HDHD2: variants seen among roughly 807,000 people sequenced by gnomAD.
The protein encoded by HDHD2 is haloacid dehalogenase-like hydrolase domain-containing protein 2.
A neutral mutation model predicts 24.8 loss-of-function variants in HDHD2; 26 were observed. The ratio of observed to expected loss-of-function variants is 1.05; its 90% CI spans 0.77 to 1.45. The LOEUF (loss-of-function observed/expected upper bound fraction) is 1.45. Among genes scored for constraint, HDHD2 ranks in the 40% most tolerant of loss-of-function variants. HDHD2 has a pLI of 0.00. For synonymous variants in HDHD2, 128 were observed against 114.9 expected, an observed-to-expected ratio of 1.11 and a Z score of -0.73; for missense variants, 299 against 313.4, an observed-to-expected ratio of 0.95 and a Z score of 0.35.
In HDHD2 at chr18:47,110,380, T is replaced by C. The variant is rs2063506102; in HGVS notation, c.677-1595A>G. 4 of 985,460 alleles carry C rather than the reference T, an allele frequency of 4.1e-6. No individual in the cohort carries two copies. The South Asian group carries it at 1.9e-4, about 46-fold the overall frequency. The allele number at this position is 985,460 out of a possible 1,614,324, so 61.0% of individuals were successfully genotyped here. A position where few individuals can be genotyped will look rare whatever the true frequency, so the allele number is the denominator to read the frequency against. On this transcript the variant is annotated intron_variant, in intron 6 of 6. Coordinates refer to ENST00000300605, the MANE Select transcript of HDHD2 (RefSeq NM_032124.5). ...GCATGGTCCCCGCAGCAAGCTCTACTGCCAGTTTTCTTCCCAAGCTTAAAT... is the reference window on the plus strand; with the variant it reads ...GCATGGTCCCCGCAGCAAGCTCTACCGCCAGTTTTCTTCCCAAGCTTAAAT...
At chr18:47,127,265 T>C (rs1380916362) in intron 4 of HDHD2, among the ~76,000 whole-genome samples, 1 of 152,192 alleles carries the variant, frequency 6.6e-6, no homozygotes, top group Non-Finnish European at 1.5e-5. Flanking sequence ...GGTTTTAGAA[T>C]AATATTTAGG....
chr18:47,146,866 G>C (rs1481592837), intron 1 of HDHD2, among the ~76,000 whole-genome samples: 1 of 152,168 alleles, frequency 6.6e-6, no homozygotes, highest in Non-Finnish European at 1.5e-5. Flanking sequence ...ACCCTCCAGA[G>C]GACAGGAAGC....
At chr18:47,133,130 C>G (rs1004011223) in intron 3 of HDHD2, among the ~76,000 whole-genome samples, 2 of 151,350 alleles carry the variant, frequency 1.3e-5, no homozygotes, top group African/African-American at 4.9e-5. Context: ...TATCTCCTAA[C>G]GCTATCCCTC....
At position 47,113,054 on chromosome 18, in the gene HDHD2, A is replaced by G. The variant is rs182837899; in HGVS notation, c.613-14T>C. 6.2e-7 allele frequency: 1 copy of G among 1,613,444 alleles called. No homozygotes were observed. The highest frequency in any genetic ancestry group is 2.2e-5 in the East Asian group (1 of 44,878). On this transcript the variant is annotated splice_polypyrimidine_tract_variant and intron_variant, in intron 5 of 6. Coordinates refer to ENST00000300605, the MANE Select transcript of HDHD2 (RefSeq NM_032124.5). ...ATCCCTGCAATCCTAGAAAAGCATA[A>G]AGAAAGCATTTAGTCCAGTGTCTTC...
chr18:47,131,316 G>A (rs1320353624), intron 3 of HDHD2, among the ~76,000 whole-genome samples: 1 of 152,130 alleles, frequency 6.6e-6, no homozygotes, highest in Non-Finnish European at 1.5e-5. Context: ...AAGGTTCCAT[G>A]GATTATCCAT....
In HDHD2 at chr18:47,110,496, C is replaced by T. The variant is rs148677488; in HGVS notation, c.677-1711G>A. On this transcript the variant is annotated intron_variant, in intron 6 of 6. Transcript: ENST00000300605. ...TTACTATATGACCTACTTTCTGGAT[C>T]CAGTGGTCTAAGAGACAAATAAATA... The T allele has an allele frequency of 1.1e-3, 1,110 of 984,964 alleles. 6 individuals are homozygous for T. In the African/African-American group the frequency reaches 0.018, roughly 16 times the overall value. The allele number at this position is 984,964 out of a possible 1,614,324, so 61.0% of individuals were successfully genotyped here.
chr18:47,143,545 A>T (rs753912031), intron 1 of HDHD2, among the ~76,000 whole-genome samples: 5 of 152,252 alleles, frequency 3.3e-5, no homozygotes, highest in Non-Finnish European at 5.9e-5. Flanking sequence ...TTATTTTTCC[A>T]GTTAACTGAA....
At chr18:47,141,222 AT>A (rs891924688) in intron 1 of HDHD2, among the ~76,000 whole-genome samples, 42 of 152,160 alleles carry the variant, frequency 2.8e-4, no homozygotes, top group Middle Eastern at 3.2e-3. Context: ...AGATGATCAC[AT>A]TTTTTCCCCT....
intron 1 of HDHD2, among the ~76,000 whole-genome samples, chr18:47,141,304 C>CT (rs1009197978): frequency 3.3e-5 from 5 of 152,148 alleles, no homozygotes; most frequent in African/African-American, 7.2e-5. Flanking sequence ...GATATATTAT[C>CT]TTTTTTTACT....
chr18:47,110,770 C>T, intron 6 of HDHD2: 1 of 984,896 alleles, frequency 1.0e-6, no homozygotes, highest in Non-Finnish European at 1.2e-6. Flanking sequence ...AAACAGGATG[C>T]TATGTTGATG....
In HDHD2 at chr18:47,144,051, A is replaced by T. The variant is rs1021675331; in HGVS notation, c.-11+6327T>A. 4.6e-5 allele frequency among the ~76,000 whole-genome samples: 7 copies of T among 152,052 alleles called. 1 individual carries two copies. Among genetic ancestry groups the T allele is most frequent in the Admixed American group, 4.6e-4 (7 of 15,248 alleles). The stretch of plus-strand genomic sequence containing the variant: ...TCCAAATAAAGCCTAACAATACTAG[A>T]TAAAAAATTATACACATGTGTGTGT... On this transcript the variant is annotated intron_variant, in intron 1 of 6. Coordinates refer to ENST00000300605, the MANE Select transcript of HDHD2 (RefSeq NM_032124.5).
At chr18:47,120,192 T>C (rs1378843063) in intron 4 of HDHD2, among the ~76,000 whole-genome samples, 1 of 152,198 alleles carries the variant, frequency 6.6e-6, no homozygotes, top group Non-Finnish European at 1.5e-5. Flanking sequence ...GCAATGAAAG[T>C]CCTAGGTGGC....
At chr18:47,120,909 G>C (rs1305498156) in intron 4 of HDHD2, among the ~76,000 whole-genome samples, 1 of 152,064 alleles carries the variant, frequency 6.6e-6, no homozygotes, top group Non-Finnish European at 1.5e-5. Context: ...ACATGGGCAT[G>C]GTTTGTGGCT....
chr18:47,134,546 T>C lies in HDHD2; in HGVS notation c.260A>G (p.Gln87Arg). 6.2e-7 allele frequency: 1 copy of C among 1,614,208 alleles called. No homozygotes were observed. Among genetic ancestry groups the C allele is most frequent in the Non-Finnish European group, 8.5e-7 (1 of 1,180,020 alleles). The stretch of plus-strand genomic sequence containing the variant: ...ATCAACTAGCAGCATGGGTCTGACT[T>C]GTTTCCGCTCTAGTAAACTTCTGGC... Reference protein sequence around the residue: ...TAARSLLERKQVRPMLLVDDR... With the variant: ...TAARSLLERKRVRPMLLVDDR... Residue 87 changes from glutamine to arginine, a missense_variant, in exon 3 of 7, where the codon CAA (glutamine) becomes CGA (arginine). Transcript: ENST00000300605.
In HDHD2 at chr18:47,108,649, G is replaced by A. The variant is rs758351366; in HGVS notation, c.*33C>T. ...GATTCATTCCAGACAATAAGAAGCT[G>A]CATTTCAAGTTGCTTCAGATGCACA... On this transcript the variant is annotated 3_prime_UTR_variant, in exon 7 of 7. Transcript: ENST00000300605. 26 of 1,139,978 alleles carry A rather than the reference G, an allele frequency of 2.3e-5. No homozygotes were observed. Among genetic ancestry groups the A allele is most frequent in the Non-Finnish European group, 3.3e-5 (25 of 762,248 alleles). The allele number at this position is 1,139,978 out of a possible 1,614,324, so 70.6% of individuals were successfully genotyped here. A position where few individuals can be genotyped will look rare whatever the true frequency, so the allele number is the denominator to read the frequency against.
intron 2 of HDHD2, among the ~76,000 whole-genome samples, chr18:47,135,400 T>A (rs1487384919): frequency 6.6e-6 from 1 of 152,066 alleles, no homozygotes; most frequent in East Asian, 1.9e-4. Context: ...TAGCTGGGAT[T>A]ATAGGCATGT....
chr18:47,137,675 C>T (rs1381530734), intron 1 of HDHD2, among the ~76,000 whole-genome samples: 1 of 152,138 alleles, frequency 6.6e-6, no homozygotes. Flanking sequence ...CCATAAAAAT[C>T]CCTGCATATC....
chr18:47,127,665 C>T (rs1434283381), intron 4 of HDHD2, among the ~76,000 whole-genome samples: 2 of 144,320 alleles, frequency 1.4e-5, no homozygotes, highest in Non-Finnish European at 3.0e-5. Flanking sequence ...GAGCCGAGAT[C>T]ACACCACTGC....
chr18:47,133,960 T>G (rs1367871238), intron 3 of HDHD2, among the ~76,000 whole-genome samples: 3 of 152,242 alleles, frequency 2.0e-5, no homozygotes, highest in Middle Eastern at 3.2e-3. Context: ...TCTTTTGCTG[T>G]GCAGAAGCTC....
Sources: gnomAD v4.1 joint callset for allele counts (sites outside exome capture counted in the v4.1 genomes callset) on GRCh38, gnomAD v4.1.1 for gene constraint, MANE v1.5 for transcripts, NCBI Gene and HGNC (gene_info 2026-07-23, HGNC 2026-07-21) for gene names.